The following SAMD12 variants were observed in gnomAD, a reference collection of about 807,000 sequenced individuals.
SAMD12 encodes sterile alpha motif domain-containing protein 12.
Under a neutral mutation model 15.0 loss-of-function variants are expected in SAMD12, and 9 were observed. That is an observed-to-expected ratio of 0.60 (90% CI 0.36 to 1.05). The LOEUF (loss-of-function observed/expected upper bound fraction) is 1.05, where lower values mean the gene tolerates loss of function less well. SAMD12 is among the 50% of genes least tolerant of loss of function. The pLI, the probability that SAMD12 is intolerant of heterozygous loss-of-function variation, is 0.01. For missense variants in SAMD12, 230 were observed against 234.2 expected, an observed-to-expected ratio of 0.98 and a Z score of 0.12; for synonymous variants, 86 against 90.1, an observed-to-expected ratio of 0.96 and a Z score of 0.25.
chr8:118,217,031 G>A (rs368813871), intron 4 of SAMD12, among the ~76,000 whole-genome samples: 27 of 152,134 alleles, frequency 1.8e-4, no homozygotes, highest in African/African-American at 3.6e-4. Context: ...TTGAGACGGA[G>A]TCTCGCTCTG....
At chr8:118,465,717 T>C (rs1371198862) in intron 2 of SAMD12, among the ~76,000 whole-genome samples, 3 of 152,154 alleles carry the variant, frequency 2.0e-5, no homozygotes, top group Non-Finnish European at 2.9e-5. Context: ...AACAATTACA[T>C]ACAAACAAGA....
intron 2 of SAMD12, among the ~76,000 whole-genome samples, chr8:118,521,619 C>A (rs1489532537): frequency 6.6e-6 from 1 of 152,062 alleles, no homozygotes; most frequent in Non-Finnish European, 1.5e-5. Context: ...TGATGCGTGA[C>A]CTTCAGCGCG....
the SAMD12 span, among the ~76,000 whole-genome samples, chr8:118,144,345 G>A: frequency 1.3e-5 from 2 of 151,944 alleles, no homozygotes; most frequent in African/African-American, 4.8e-5. Flanking sequence ...TTCTATTATT[G>A]CACATATTCA....
At chr8:118,376,318 C>T (rs1268469651), downstream of SAMD12, among the ~76,000 whole-genome samples, 1 of 152,026 alleles carries the variant, frequency 6.6e-6, no homozygotes, top group East Asian at 1.9e-4. Context: ...ATCCTAACCC[C>T]CAAGGTGATG....
chr8:118,380,651 A>G lies in SAMD12; in HGVS notation c.323-951T>C, dbSNP rs984868639. Among the ~76,000 whole-genome samples the G allele has an allele frequency of 3.3e-5, 5 of 152,200 alleles. No homozygotes were observed. In the South Asian group the frequency reaches 6.2e-4, roughly 19 times the overall value. On this transcript the variant is annotated intron_variant, in intron 3 of 3. Transcript: ENST00000314727. The stretch of plus-strand genomic sequence containing the variant: ...CTTCTCCGACATTCCTACTCATCAC[A>G]TCTGCAGATCTTTTCTCATTTCCAC...
At chr8:118,482,450 T>C (rs1185669146) in intron 2 of SAMD12, among the ~76,000 whole-genome samples, 1 of 150,890 alleles carries the variant, frequency 6.6e-6, no homozygotes, top group African/African-American at 2.4e-5. Flanking sequence ...CAACCAACCT[T>C]GGACGGGAAA....
At chr8:118,369,872 A>G (rs549605990) in intron 4 of SAMD12, among the ~76,000 whole-genome samples, 1 of 152,312 alleles carries the variant, frequency 6.6e-6, no homozygotes, top group African/African-American at 2.4e-5. Context: ...CAAAGATTTC[A>G]TGACAAAAAT....
At chr8:118,211,568 C>G (rs1811826843) in intron 4 of SAMD12, among the ~76,000 whole-genome samples, 2 of 152,198 alleles carry the variant, frequency 1.3e-5, no homozygotes, top group Admixed American at 6.5e-5. Flanking sequence ...CTTCCTTAAA[C>G]CTACTTCTGT....
At chr8:118,605,684 A>C (rs1827966477) in intron 1 of SAMD12, among the ~76,000 whole-genome samples, 1 of 151,608 alleles carries the variant, frequency 6.6e-6, no homozygotes, top group African/African-American at 2.4e-5. Flanking sequence ...TTGAGATAAT[A>C]ATCATCTCGT....
chr8:118,502,019 CAAAAAAAA>C (rs778485490), intron 2 of SAMD12, among the ~76,000 whole-genome samples: 1 of 80,532 alleles, frequency 1.2e-5, no homozygotes, highest in Non-Finnish European at 2.7e-5. Flanking sequence ...GACTCCGTCT[CAAAAAAAA>C]AAAAAAAAAA....
intron 4 of SAMD12, among the ~76,000 whole-genome samples, chr8:118,339,958 G>A (rs1159945226): frequency 6.6e-6 from 1 of 152,226 alleles, no homozygotes; most frequent in Non-Finnish European, 1.5e-5. Context: ...TTTGCTGCCT[G>A]TGTTCAATAG....
chr8:118,430,950 CTT>C (rs747949834), intron 3 of SAMD12, among the ~76,000 whole-genome samples: 3 of 152,100 alleles, frequency 2.0e-5, no homozygotes, highest in East Asian at 1.9e-4. Flanking sequence ...ATTCATTGCT[CTT>C]GTTTCTCTCT....
chr8:118,584,409 C>T (rs1351100862), intron 1 of SAMD12, among the ~76,000 whole-genome samples: 1 of 152,076 alleles, frequency 6.6e-6, no homozygotes, highest in East Asian at 1.9e-4. Context: ...CATCACTGCC[C>T]TTTCTTGTTT....
the SAMD12 span, among the ~76,000 whole-genome samples, chr8:118,145,813 C>T: frequency 2.6e-5 from 4 of 152,162 alleles, no homozygotes; most frequent in Non-Finnish European, 5.9e-5. Context: ...TAAAGGAGTC[C>T]TGAGTTGGCC....
At chr8:118,222,927 T>C (rs1250276010) in intron 4 of SAMD12, among the ~76,000 whole-genome samples, 1 of 152,062 alleles carries the variant, frequency 6.6e-6, no homozygotes, top group Non-Finnish European at 1.5e-5. Context: ...AGATCACAGG[T>C]TTAATGCACA....
At position 118,621,551 on chromosome 8, in the gene SAMD12, A is replaced by T. The variant is rs949848070; in HGVS notation, c.13+253T>A. On this transcript the variant is annotated intron_variant, in intron 1 of 3. Coordinates refer to ENST00000314727, the MANE Select transcript of SAMD12 (RefSeq NM_207506.3). ...CATTTCCAGGATATCGTTTCGCATC[A>T]GGGACACTCGTCTCCACACCTCCTA... is the stretch of plus-strand genomic sequence containing the variant. 5 of 531,376 alleles carry T rather than the reference A, an allele frequency of 9.4e-6. No individual in the cohort carries two copies. The African/African-American group carries it at 9.5e-5, about 10-fold the overall frequency. The allele number at this position is 531,376 out of a possible 1,614,324, so 32.9% of individuals were successfully genotyped here.
chr8:118,285,903 C>T lies in SAMD12; in HGVS notation c.434-88171G>A, dbSNP rs142566011. On this transcript the variant is annotated intron_variant, in intron 4 of 4. Coordinates refer to the SAMD12 transcript ENST00000409003. ...AAAGAGTTGGCTGGCTATCTAAGTG[C>T]CTTGCTGAGCCTGGTCAGGGAGAAG... Among the ~76,000 whole-genome samples, 658 of 152,174 alleles carry T rather than the reference C, an allele frequency of 4.3e-3. 7 individuals are homozygous for T. Among genetic ancestry groups the T allele is most frequent in the South Asian group, 0.012 (56 of 4,808 alleles).
intron 2 of SAMD12, among the ~76,000 whole-genome samples, chr8:118,536,526 G>A (rs1006611029): frequency 1.3e-5 from 2 of 151,532 alleles, no homozygotes; most frequent in East Asian, 3.9e-4. Context: ...CTTCTGATGC[G>A]TGTTGTATGT....
intron 2 of SAMD12, among the ~76,000 whole-genome samples, chr8:118,466,885 G>C (rs10110194): frequency 0.3 from 45,348 of 152,070 alleles, 8,297 homozygotes; most frequent in South Asian, 0.43. Flanking sequence ...AAATCTTAAA[G>C]GAAATTAACC....
Sources: allele counts gnomAD v4.1 joint callset (sites outside exome capture counted in the v4.1 genomes callset), GRCh38; gene constraint gnomAD v4.1.1; transcripts MANE v1.5; gene names NCBI Gene and HGNC (gene_info 2026-07-23, HGNC 2026-07-21).